Variants in DPP6 observed in about 807,000 individuals in gnomAD.
DPP6 encodes dipeptidyl peptidase like 6, also known as A-type potassium channel modulatory protein DPP6.
A neutral mutation model predicts 122.6 loss-of-function variants in DPP6; 69 were observed. The ratio of observed to expected loss-of-function variants is 0.56; its 90% CI spans 0.46 to 0.69. The LOEUF (loss-of-function observed/expected upper bound fraction) is 0.69. Ranked by LOEUF, DPP6 falls within the 30% of genes least tolerant of loss-of-function variation. The pLI, the probability that DPP6 is intolerant of heterozygous loss-of-function variation, is 0.00. For synonymous variants in DPP6, 418 were observed against 433.1 expected, an observed-to-expected ratio of 0.97 and a Z score of 0.43; for missense variants, 928 against 1,116.9, an observed-to-expected ratio of 0.83 and a Z score of 2.41.
chr7:153,836,397 T>C, the DPP6 span, among the ~76,000 whole-genome samples: 3 of 152,200 alleles, frequency 2.0e-5, no homozygotes, highest in African/African-American at 7.2e-5. Flanking sequence ...TTTACTCTGA[T>C]ATTTAGACTT....
At chr7:153,956,186 C>T (rs1802453333) in intron 1 of DPP6, among the ~76,000 whole-genome samples, 1 of 152,066 alleles carries the variant, frequency 6.6e-6, no homozygotes, top group African/African-American at 2.4e-5. Context: ...AGGGAAGCAA[C>T]ACTTAGATGT....
chr7:154,267,279 TTTA>T (rs990865994), intron 1 of DPP6, among the ~76,000 whole-genome samples: 10 of 149,498 alleles, frequency 6.7e-5, no homozygotes, highest in South Asian at 4.2e-4. Flanking sequence ...ATTTTTTCAT[TTTA>T]TTATTGTAAA....
At chr7:153,764,833 C>T in the DPP6 span, among the ~76,000 whole-genome samples, 2 of 151,930 alleles carry the variant, frequency 1.3e-5, no homozygotes, top group Non-Finnish European at 2.9e-5. Context: ...CCAGAACCGA[C>T]ACAGCTTGCT....
chr7:153,964,954 C>CTT lies in DPP6; in HGVS notation c.51+77221_51+77222insTT, dbSNP rs1563055671. Among the ~76,000 whole-genome samples, 45 of 58,160 alleles carry CTT rather than the reference C, an allele frequency of 7.7e-4. 2 individuals carry two copies. Among genetic ancestry groups the CTT allele is most frequent in the East Asian group, 6.6e-3 (15 of 2,278 alleles). The allele number at this position is 58,160 out of a possible 152,430, so 38.2% of individuals were successfully genotyped here. On this transcript the variant is annotated intron_variant, in intron 1 of 25. Coordinates refer to the DPP6 transcript ENST00000404039. ...TCTTTCTTTCTTTTTCTTTCTTTCT[C>CTT]TCTTTCTTTCTTTCATTTCTTTTCC... is the stretch of plus-strand genomic sequence containing the variant.
chr7:154,193,425 G>A (rs532445896), intron 1 of DPP6, among the ~76,000 whole-genome samples: 1 of 152,330 alleles, frequency 6.6e-6, no homozygotes, highest in South Asian at 2.1e-4. Flanking sequence ...TGGGCAAAGA[G>A]TAAATAGAGG....
intron 1 of DPP6, among the ~76,000 whole-genome samples, chr7:153,890,394 C>G (rs1422097349): frequency 6.6e-6 from 1 of 152,236 alleles, no homozygotes; most frequent in Non-Finnish European, 1.5e-5. Flanking sequence ...TCGCTGACAT[C>G]CACATTGTAT....
At position 154,749,471 on chromosome 7, in the gene DPP6, GA is replaced by G. The variant is rs1452781280; in HGVS notation, c.884-19945del. Among the ~76,000 whole-genome samples, 26 of 134,006 alleles carry G rather than the reference GA, an allele frequency of 1.9e-4. No individual in the cohort carries two copies. The East Asian group carries it at 3.7e-3, about 19-fold the overall frequency. 87.9% of individuals were successfully genotyped at this position (134,006 alleles called of 152,430 possible). On this transcript the variant is annotated intron_variant, in intron 8 of 25. Transcript: ENST00000377770. ...TGGCGGCTTTACTGAGAGAGGGTGA[GA>G]GAGCATAGGACGGGAGAGAGAGGGA...
At chr7:154,830,162 C>T (rs908064027) in intron 16 of DPP6, among the ~76,000 whole-genome samples, 9 of 152,148 alleles carry the variant, frequency 5.9e-5, no homozygotes, top group African/African-American at 2.2e-4. Context: ...AACACGTTTT[C>T]CTGTCTCTAT....
rs1800452448 is a variant in DPP6 at position 154,052,733 on chromosome 7, TA to T, written c.-86del. Reference sequence around the variant, plus strand: ...CCTCCCCACCGCCTTTTTTTTTTTTTAATCTGGAGCGGGGTGGGGAGTGGGA... The same window carrying T: ...CCTCCCCACCGCCTTTTTTTTTTTTTATCTGGAGCGGGGTGGGGAGTGGGA... On this transcript the variant is annotated 5_prime_UTR_variant, in exon 1 of 26. Transcript: ENST00000377770. The surrounding 1 kb of genome is among the most constrained non-coding windows in gnomAD (Gnocchi z 4.8). 8 of 1,255,618 alleles carry T rather than the reference TA, an allele frequency of 6.4e-6. No individual in the cohort carries two copies. Among genetic ancestry groups the T allele is most frequent in the East Asian group, 4.8e-5 (1 of 20,662 alleles). 77.8% of individuals were successfully genotyped at this position (1,255,618 alleles called of 1,614,324 possible). A position where few individuals can be genotyped will look rare whatever the true frequency, so the allele number is the denominator to read the frequency against.
chr7:154,290,646 C>T (rs1273542046), intron 1 of DPP6, among the ~76,000 whole-genome samples: 2 of 124,628 alleles, frequency 1.6e-5, no homozygotes, highest in Non-Finnish European at 3.3e-5. Context: ...AACTCTGTCT[C>T]CAAAAAAAAA....
chr7:154,803,551 G>T (rs549273308), intron 13 of DPP6, among the ~76,000 whole-genome samples: 197 of 152,258 alleles, frequency 1.3e-3, no homozygotes, highest in African/African-American at 4.3e-3. Flanking sequence ...ATAAAGCATT[G>T]ATTCTCCTCC....
Position 154,428,422 on chromosome 7 carries a change from G to A in DPP6, c.244-17792G>A, listed in dbSNP as rs539461062. 4.6e-5 allele frequency among the ~76,000 whole-genome samples: 7 copies of A among 152,302 alleles called. No homozygotes were observed. The South Asian group carries it at 1.0e-3, about 23-fold the overall frequency. ...CTATAAAGAACATTTAAGAGTAAAT[G>A]TGGAAAACAGTATGCAGATTTCTTA... On this transcript the variant is annotated intron_variant, in intron 1 of 25. Transcript: ENST00000377770.
intron 1 of DPP6, among the ~76,000 whole-genome samples, chr7:153,944,058 C>A (rs1023917135): frequency 7.2e-5 from 11 of 152,158 alleles, no homozygotes; most frequent in Admixed American, 7.2e-4. Flanking sequence ...CCAAGTAACA[C>A]AATAGAGGCT....
At chr7:154,642,146 A>G (rs1389200924) in intron 6 of DPP6, among the ~76,000 whole-genome samples, 1 of 152,212 alleles carries the variant, frequency 6.6e-6, no homozygotes, top group Non-Finnish European at 1.5e-5. Flanking sequence ...GCCCAGTGCC[A>G]GCCTAATAGC....
intron 7 of DPP6, among the ~76,000 whole-genome samples, chr7:154,722,260 G>A (rs1841855872): frequency 1.3e-5 from 2 of 152,220 alleles, no homozygotes; most frequent in African/African-American, 4.8e-5. Context: ...GAGAAACTGA[G>A]GCAGATAACA....
At chr7:153,832,647 G>A in the DPP6 span, among the ~76,000 whole-genome samples, 2 of 143,982 alleles carry the variant, frequency 1.4e-5, no homozygotes, top group African/African-American at 5.2e-5. Context: ...AATAAGTCAA[G>A]AATGCGTGAC....
chr7:154,680,836 T>A (rs1281146281), intron 7 of DPP6, among the ~76,000 whole-genome samples: 1 of 152,134 alleles, frequency 6.6e-6, no homozygotes, highest in Non-Finnish European at 1.5e-5. Flanking sequence ...AAGCCGCCCA[T>A]CACCCTCCGG....
the DPP6 span, among the ~76,000 whole-genome samples, chr7:153,879,656 TG>T: frequency 1.3e-5 from 2 of 152,188 alleles, no homozygotes; most frequent in Admixed American, 1.3e-4. Flanking sequence ...CTCAAAGTGC[TG>T]GGATTACAGG....
chr7:154,489,423 G>A (rs1043825061), intron 3 of DPP6, among the ~76,000 whole-genome samples: 4 of 152,054 alleles, frequency 2.6e-5, no homozygotes, highest in African/African-American at 4.8e-5. Flanking sequence ...TCTAATATCC[G>A]GCACTTTGCA....
Sources: gnomAD v4.1 joint callset for allele counts (sites outside exome capture counted in the v4.1 genomes callset) on GRCh38, gnomAD v4.1.1 for gene constraint, Gnocchi (gnomAD v3.1) non-coding constraint, MANE v1.5 for transcripts, NCBI Gene and HGNC (gene_info 2026-07-23, HGNC 2026-07-21) for gene names.